ABCA2: variants seen among roughly 807,000 people sequenced by gnomAD.
ABCA2 encodes the protein ATP-binding cassette sub-family A member 2.
ABCA2 carries 84 observed loss-of-function variants against 262.8 expected under a neutral mutation model. The observed-to-expected ratio is 0.32, with a 90% CI of 0.27 to 0.38. ABCA2 has a LOEUF of 0.38. Among genes scored for constraint, ABCA2 ranks in the 10% least tolerant of loss-of-function variants. The probability of loss-of-function intolerance (pLI) is 1.00; values close to 1 mark genes in which losing one functional copy is unlikely to be tolerated. For missense variants in ABCA2, 2,662 were observed against 3,405.9 expected, an observed-to-expected ratio of 0.78 and a Z score of 5.44; for synonymous variants, 1,696 against 1,502.9, an observed-to-expected ratio of 1.13 and a Z score of -2.97.
At position 137,011,782 on chromosome 9, in the gene ABCA2, G is replaced by A. The variant is rs1452577272; in HGVS notation, c.5536-33C>T. On this transcript the variant is annotated intron_variant, in intron 35 of 48. Transcript: ENST00000341511. This position sits in a 1 kb window ranked among gnomAD's most constrained non-coding sequence, Gnocchi z 8.8. ...GGTGGGGGCGGCTGGTGAGAGACCC[G>A]GGGCAGGGCGGGGATGGGGGATGAG... The A allele has an allele frequency of 1.2e-5, 18 of 1,549,550 alleles. No individual in the cohort carries two copies. The highest frequency in any genetic ancestry group is 7.3e-5 in the East Asian group (3 of 40,904).
At chr9:137,008,041 CG>C (rs1403126858) in intron 48 of ABCA2, 77 bp from the exon 49 acceptor site, 6 of 1,533,602 alleles carry the variant, frequency 3.9e-6, no homozygotes, top group Non-Finnish European at 5.3e-6. Flanking sequence ...TGTGCTGGCC[CG>C]CCCCGGCCCT....
Position 137,007,672 on chromosome 9 carries a change from C to A in ABCA2, c.*257G>T. The A allele has an allele frequency of 1.7e-6, 1 of 574,278 alleles. No individual in the cohort carries two copies. The highest frequency in any genetic ancestry group is 2.0e-5 in the South Asian group (1 of 49,736). The allele number at this position is 574,278 out of a possible 1,614,324, so 35.6% of individuals were successfully genotyped here. On this transcript the variant is annotated 3_prime_UTR_variant, in exon 49 of 49. Coordinates refer to ENST00000341511, the MANE Select transcript of ABCA2 (RefSeq NM_001606.5). Reference sequence around the variant, plus strand: ...GCAGGGGCGAGGGGCCGGGCAGACCCCGAGGCTTTAAGGCAAAGCAGGGCA... The same window carrying A: ...GCAGGGGCGAGGGGCCGGGCAGACCACGAGGCTTTAAGGCAAAGCAGGGCA...
At chr9:137,022,914 T>TTGGGGGGGGGGGGGGGGGGGG in intron 4 of ABCA2, 27 bp downstream of exon 4, 1 of 640,754 alleles carries the variant, frequency 1.6e-6, no homozygotes, top group Non-Finnish European at 2.6e-6. Context: ...GAGGGGTGGG[T>TTGGGGGGGGGGGGGGGGGGGG]GCTCCGAGGG....
intron 2 of ABCA2, 28 bp downstream of exon 2, chr9:137,024,115 T>C: frequency 1.9e-6 from 3 of 1,591,608 alleles, no homozygotes; most frequent in Non-Finnish European, 2.6e-6. Context: ...CTCCCCCGGC[T>C]GTGCCTGGGG....
At position 137,011,054 on chromosome 9, in the gene ABCA2, C is replaced by G. The variant is rs1831022822; in HGVS notation, c.5975G>C (p.Gly1992Ala). The change falls in exon 39 of 49, where the codon GGA (glycine) becomes GCA (alanine). Residue 1992 changes from glycine (G) to alanine (A), a missense_variant. By Grantham distance (60) the Gly-to-Ala change is moderately conservative (BLOSUM62 0). Coordinates refer to ENST00000341511, the MANE Select transcript of ABCA2 (RefSeq NM_001606.5). This position sits in a 1 kb window ranked among gnomAD's most constrained non-coding sequence, Gnocchi z 8.8. ...SPFEWDIVTR[G>A]LVAMAVEGVV... is the part of the protein sequence containing the mutation. ...GCCCTCAACCGCCATGGCCACCAGT[C>G]CGCGGGTGACAATGTCCCACTCGAA... 3.7e-6 allele frequency: 6 copies of G among 1,611,632 alleles called. No homozygotes were observed. Among genetic ancestry groups the G allele is most frequent in the African/African-American group, 1.3e-5 (1 of 74,632 alleles).
chr9:137,019,464 C>T lies in ABCA2; in HGVS notation c.1426-158G>A, dbSNP rs1239175978. 1 of 853,352 alleles carries T rather than the reference C, an allele frequency of 1.2e-6. No homozygotes were observed. The highest frequency in any genetic ancestry group is 1.7e-6 in the Non-Finnish European group (1 of 571,684). The allele number at this position is 853,352 out of a possible 1,614,324, so 52.9% of individuals were successfully genotyped here. On this transcript the variant is annotated intron_variant, in intron 10 of 48. Transcript: ENST00000341511. The surrounding 1 kb of genome is among the most constrained non-coding windows in gnomAD (Gnocchi z 4.4). The stretch of plus-strand genomic sequence containing the variant: ...TTTCCTGAGACAGGGTCTCAGTCAC[C>T]CACGCTGGAGTGCAGTGGTGCAGTC...
Position 137,018,822 on chromosome 9 carries a change from G to A in ABCA2, c.1723-7C>T, listed in dbSNP as rs369872406. 9.3e-6 allele frequency: 15 copies of A among 1,612,692 alleles called. No individual in the cohort carries two copies. The highest frequency in any genetic ancestry group is 1.3e-5 in the Non-Finnish European group (15 of 1,179,836). ...TGAAGATGTCCACGCTCACCTAGCG[G>A]GAGGGGCATCGCTGGAGCCCGCCGT... On this transcript the variant is annotated splice_polypyrimidine_tract_variant and splice_region_variant and intron_variant, in intron 12 of 48. Coordinates refer to ENST00000341511, the MANE Select transcript of ABCA2 (RefSeq NM_001606.5).
chr9:137,022,988 C>G lies in ABCA2; in HGVS notation c.228G>C (p.Pro76=). 1 of 1,593,850 alleles carries G rather than the reference C, an allele frequency of 6.3e-7. No homozygotes were observed. The highest frequency in any genetic ancestry group is 8.5e-7 in the Non-Finnish European group (1 of 1,171,308). Residue 76 remains proline, a synonymous_variant, in exon 4 of 49, where the codon CCG becomes CCC. Coordinates refer to ENST00000341511, the MANE Select transcript of ABCA2 (RefSeq NM_001606.5). ...AGCCGAACTCGTCTCGCTGGCCGTC[C>G]GGGCACAGCGATTGCATGACAGGCA... is the stretch of plus-strand genomic sequence containing the variant. ...GILPVMQSLC[P]DGQRDEFGFL... is the part of the protein sequence containing the mutation.
rs989523839 is a variant in ABCA2, at chr9:137,019,673, T to C, written c.1426-367A>G. The C allele has an allele frequency of 6.2e-5, 14 of 224,102 alleles. No homozygotes were observed. The highest frequency in any genetic ancestry group is 2.6e-4 in the African/African-American group (11 of 42,636). The allele number at this position is 224,102 out of a possible 1,614,324, so 13.9% of individuals were successfully genotyped here. ...CTGAGCTCAAGCGATCCTCCCACCATGGCTTCCCAAAGTGCTGGGATTTCA... is the reference window on the plus strand; with the variant it reads ...CTGAGCTCAAGCGATCCTCCCACCACGGCTTCCCAAAGTGCTGGGATTTCA... On this transcript the variant is annotated intron_variant, in intron 10 of 48. Transcript: ENST00000341511. This position sits in a 1 kb window ranked among gnomAD's most constrained non-coding sequence, Gnocchi z 4.4.
chr9:137,028,431 C>T, upstream of ABCA2: 2 of 368,452 alleles, frequency 5.4e-6, no homozygotes, highest in Non-Finnish European at 7.5e-6. This position sits in a 1 kb window ranked among gnomAD's most constrained non-coding sequence, Gnocchi z 6.9. Context: ...GCGCGCGCCG[C>T]CGCCGGGAAG....
Position 137,012,700 on chromosome 9 carries a change from C to T in ABCA2, c.5081+12G>A. On this transcript the variant is annotated intron_variant, in intron 31 of 48. Coordinates refer to ENST00000341511, the MANE Select transcript of ABCA2 (RefSeq NM_001606.5). Reference sequence around the variant, plus strand: ...CGGCCACCCTCACCCACAGCCTCCCCACCCAGCTCACCGGTGCAGTCGGAA... The same window carrying T: ...CGGCCACCCTCACCCACAGCCTCCCTACCCAGCTCACCGGTGCAGTCGGAA... 6.2e-7 allele frequency: 1 copy of T among 1,612,052 alleles called. No individual in the cohort carries two copies. Among genetic ancestry groups the T allele is most frequent in the South Asian group, 1.1e-5 (1 of 91,046 alleles).
intron 6 of ABCA2, 42 bp downstream of exon 6, chr9:137,022,309 G>A (rs1564230058): frequency 3.2e-6 from 5 of 1,553,410 alleles, no homozygotes; most frequent in Non-Finnish European, 3.5e-6. Context: ...CGTGGCTGGG[G>A]CAGAAGGGAG....
chr9:137,009,699 C>T (rs537284445), intron 43 of ABCA2, 55 bp from the exon 44 acceptor site: 1,192 of 1,611,408 alleles, frequency 7.4e-4, no homozygotes, highest in Admixed American at 1.3e-3. Flanking sequence ...CCAGCCTGAA[C>T]GCTGCCCCTG....
Position 137,015,946 on chromosome 9 carries a change from C to CAGGGGCGGGGGGGGGGGGGGGGG in ABCA2, c.3317+15_3317+16insCCCCCCCCCCCCCCCCCGCCCCT. 1 of 484,328 alleles carries CAGGGGCGGGGGGGGGGGGGGGGG rather than the reference C, an allele frequency of 2.1e-6. No individual in the cohort carries two copies. The allele number at this position is 484,328 out of a possible 1,614,324, so 30.0% of individuals were successfully genotyped here. A position where few individuals can be genotyped will look rare whatever the true frequency, so the allele number is the denominator to read the frequency against. On this transcript the variant is annotated intron_variant, in intron 22 of 48. Transcript: ENST00000341511. ...GCCTCCGCCCACCTGCCCCGCCCCC[C>CAGGGGCGGGGGGGGGGGGGGGGG]GCCCAGCCCACCCACTTGTCCATCT... is the stretch of plus-strand genomic sequence containing the variant.
intron 1 of ABCA2, among the ~76,000 whole-genome samples, chr9:137,026,796 A>G (rs1188080714): frequency 1.3e-5 from 2 of 152,144 alleles, no homozygotes; most frequent in Admixed American, 1.3e-4. Context: ...GACTAATACT[A>G]ATGCATGCCA....
chr9:137,019,105 C>T lies in ABCA2; in HGVS notation c.1555-35G>A, dbSNP rs1218951930. The T allele has an allele frequency of 7.5e-6, 12 of 1,601,560 alleles. No individual in the cohort carries two copies. The highest frequency in any genetic ancestry group is 9.4e-6 in the Non-Finnish European group (11 of 1,172,544). ...GAGGGGCGGCTCAGAGGGGGACCTG[C>T]GCCTGCCGAGCCGGGCAGAGAGGGG... On this transcript the variant is annotated intron_variant, in intron 11 of 48. Transcript: ENST00000341511. The surrounding 1 kb of genome is among the most constrained non-coding windows in gnomAD (Gnocchi z 4.4).
chr9:137,009,189 C>T, intron 45 of ABCA2, 136 bp from the exon 46 acceptor site: 1 of 1,015,058 alleles, frequency 9.9e-7, no homozygotes, highest in Non-Finnish European at 1.4e-6. Flanking sequence ...ACCCCACAGC[C>T]CCCACAGCCC....
rs759260490 is a variant in ABCA2 at position 137,012,828 on chromosome 9, ACTGCTGGGGCAGGAGAAGCCGGTGC to A, written c.4940_4964del (p.Gly1647ValfsTer17). On this transcript the variant is annotated frameshift_variant, in exon 31 of 49. Transcript: ENST00000341511. LOFTEE classifies it high-confidence loss of function. ...GCATCTGGGGCGGGTGCCCGCCCAC[ACTGCTGGGGCAGGAGAAGCCGGTGC>A]CCTGCGCAGAGCAGGTGCAGCGGAC... 6.2e-7 allele frequency: 1 copy of A among 1,611,140 alleles called. No homozygotes were observed. The highest frequency in any genetic ancestry group is 8.5e-7 in the Non-Finnish European group (1 of 1,179,294).
rs201692416 is a variant in ABCA2 at position 137,012,272 on chromosome 9, C to T, written c.5292G>A (p.Ala1764=). 3.9e-5 allele frequency: 63 copies of T among 1,609,542 alleles called. No homozygotes were observed. In the Admixed American group the frequency reaches 8.0e-4, roughly 21 times the overall value. ...CTGCCTATGTCAGCTCACCGTAAGC[C>T]GCCGGGTTGCCCTTGCTCTTGGGCA... ...ANLPKSKGNP[A]AYGITVTNHP... The change falls in exon 33 of 49, where the codon GCG becomes GCA. Residue 1764 remains alanine, a synonymous_variant. Transcript: ENST00000341511.
Sources: allele counts gnomAD v4.1 joint callset (sites outside exome capture counted in the v4.1 genomes callset), GRCh38; gene constraint gnomAD v4.1.1; non-coding constraint Gnocchi (gnomAD v3.1); transcripts MANE v1.5; gene names NCBI Gene and HGNC (gene_info 2026-07-23, HGNC 2026-07-21).